POLQ: variants seen among roughly 807,000 people sequenced by gnomAD.
POLQ encodes epididymis secretory sperm binding protein.
POLQ carries 233 observed loss-of-function variants against 259.2 expected under a neutral mutation model. That is an observed-to-expected ratio of 0.90 (90% CI 0.81 to 1.00). The LOEUF is 1.00. POLQ is among the 50% of genes least tolerant of loss of function. The pLI is 0.00. For synonymous variants in POLQ, 1,025 were observed against 1,048.8 expected (o/e 0.98, Z 0.44); for missense variants, 2,871 against 3,051.6 (o/e 0.94, Z 1.39).
rs113422880 is a variant in POLQ, at chr3:121,542,985, C to CA, written c.344-1507dup. Reference sequence around the variant, plus strand: ...CTGGGCAACAAGAGCAAAACTCCATCAAAAAAAAAAGACCACTTTGGCTGC... The same window carrying CA: ...CTGGGCAACAAGAGCAAAACTCCATCAAAAAAAAAAAGACCACTTTGGCTGC... On this transcript the variant is annotated intron_variant, in intron 2 of 29. Coordinates refer to ENST00000264233, the MANE Select transcript of POLQ (RefSeq NM_199420.4). Among the ~76,000 whole-genome samples the CA allele has an allele frequency of 5.8e-3, 830 of 143,936 alleles. 8 individuals carry two copies. The highest frequency in any genetic ancestry group is 0.02 in the African/African-American group (767 of 39,286). 94.4% of individuals were successfully genotyped at this position (143,936 alleles called of 152,430 possible).
Position 121,489,245 on chromosome 3 carries a change from CTATT to C in POLQ, c.3682_3685del (p.Asn1228GlufsTer12), listed in dbSNP as rs2048042154. ...ACAATTGATAGTAACATTTGAGTCTCTATTTATGTAACTACTGACTGCTTCACAG... is the reference window on the plus strand; with the variant it reads ...ACAATTGATAGTAACATTTGAGTCTCTATGTAACTACTGACTGCTTCACAG... On this transcript the variant is annotated frameshift_variant, in exon 16 of 30. Coordinates refer to ENST00000264233, the MANE Select transcript of POLQ (RefSeq NM_199420.4). LOFTEE classifies it high-confidence loss of function. The C allele has an allele frequency of 2.5e-6, 4 of 1,612,470 alleles. No homozygotes were observed. Among genetic ancestry groups the C allele is most frequent in the Non-Finnish European group, 3.4e-6 (4 of 1,179,094 alleles).
chr3:121,523,192 T>C (rs1323147950), intron 7 of POLQ, among the ~76,000 whole-genome samples: 1 of 152,034 alleles, frequency 6.6e-6, no homozygotes, highest in Non-Finnish European at 1.5e-5. Context: ...GCATTTTTTT[T>C]TTTCACTTGT....
At chr3:121,516,547 G>A (rs1451120723) in intron 9 of POLQ, among the ~76,000 whole-genome samples, 1 of 152,170 alleles carries the variant, frequency 6.6e-6, no homozygotes, top group Non-Finnish European at 1.5e-5. Flanking sequence ...CCTGTCTAGG[G>A]AGGACTCATC....
intron 25 of POLQ, among the ~76,000 whole-genome samples, chr3:121,455,636 A>T (rs536359731): frequency 2.0e-5 from 3 of 152,210 alleles, no homozygotes; most frequent in Non-Finnish European, 4.4e-5. Context: ...AAATCTAGAA[A>T]AAATGGATAA....
Position 121,489,597 on chromosome 3 carries a change from T to C in POLQ, c.3334A>G (p.Thr1112Ala), listed in dbSNP as rs1560097834. The C allele has an allele frequency of 6.2e-7, 1 of 1,613,124 alleles. No individual in the cohort carries two copies. Among genetic ancestry groups the C allele is most frequent in the Non-Finnish European group, 8.5e-7 (1 of 1,179,526 alleles). The change falls in exon 16 of 30, where the codon ACA becomes GCA. Residue 1112 changes from threonine to alanine, a missense_variant. By Grantham distance (58) the Thr-to-Ala change is moderately conservative (BLOSUM62 0). This residue lies in a region of POLQ where 2,080 missense variants were observed against 2,126.0 expected (regional missense o/e 0.98). Coordinates refer to ENST00000264233, the MANE Select transcript of POLQ (RefSeq NM_199420.4). Reference protein sequence around the residue: ...SLSGKEKDNKTSFPLQIKQNC... With the variant: ...SLSGKEKDNKASFPLQIKQNC... ...TGCTTTATTTGTAATGGGAATGATG[T>C]TTTATTATCTTTTTCCTTACCACTC...
chr3:121,537,869 A>G (rs1053908975), intron 4 of POLQ, among the ~76,000 whole-genome samples: 1 of 152,204 alleles, frequency 6.6e-6, no homozygotes, highest in Non-Finnish European at 1.5e-5. Context: ...TATATAATAC[A>G]TTGCAAGTGA....
Position 121,522,071 on chromosome 3 carries a change from C to T in POLQ, c.1187G>A (p.Arg396His), listed in dbSNP as rs768741276. The change falls in exon 8 of 30, where the codon CGT becomes CAT. Residue 396 changes from arginine (R) to histidine (H), a missense_variant. This residue lies in a region of POLQ where 783 missense variants were observed against 906.2 expected (regional missense o/e 0.86). Transcript: ENST00000264233. Reference sequence around the variant, plus strand: ...TACAGAGTCCAGTCCTGAAGGCAAACGTCTTAACTGATCCATCACTTCCAG... The same window carrying T: ...TACAGAGTCCAGTCCTGAAGGCAAATGTCTTAACTGATCCATCACTTCCAG... ...ELLEVMDQLRRLPSGLDSVLQ... is the reference protein window; with the variant it reads ...ELLEVMDQLRHLPSGLDSVLQ... The T allele has an allele frequency of 3.7e-6, 6 of 1,610,038 alleles. No homozygotes were observed. Among genetic ancestry groups the T allele is most frequent in the African/African-American group, 2.7e-5 (2 of 74,622 alleles).
intron 7 of POLQ, among the ~76,000 whole-genome samples, chr3:121,525,975 T>A (rs527447965): frequency 1.3e-5 from 2 of 152,320 alleles, no homozygotes; most frequent in Non-Finnish European, 2.9e-5. Context: ...ATCTTTTTCA[T>A]GATTTTCGTT....
chr3:121,479,877 A>T (rs887136220), intron 19 of POLQ, among the ~76,000 whole-genome samples: 4 of 152,206 alleles, frequency 2.6e-5, no homozygotes, highest in African/African-American at 9.6e-5. Flanking sequence ...AAAACAGATA[A>T]TATAGATGTG....
chr3:121,455,169 G>A (rs1342092995), intron 25 of POLQ, among the ~76,000 whole-genome samples: 88 of 149,206 alleles, frequency 5.9e-4, no homozygotes, highest in Middle Eastern at 6.8e-3. Context: ...AAATAAAGAT[G>A]TTCTTTGAAA....
In POLQ at chr3:121,509,619, T is replaced by C; in HGVS notation, c.1901A>G (p.Asp634Gly). 6.2e-7 allele frequency: 1 copy of C among 1,613,592 alleles called. No individual in the cohort carries two copies. Among genetic ancestry groups the C allele is most frequent in the South Asian group, 1.1e-5 (1 of 91,064 alleles). The change falls in exon 12 of 30, where the codon GAC becomes GGC. Residue 634 changes from aspartate (D) to glycine (G), a missense_variant. Asp to Gly is a moderately conservative substitution (Grantham distance 94, BLOSUM62 -1). Coordinates refer to ENST00000264233, the MANE Select transcript of POLQ (RefSeq NM_199420.4). ...AAAGCCCTTCATTGCTCTTTGCAGG[T>C]CAGCAAAAATATCTAAAGTATCAGC... is the stretch of plus-strand genomic sequence containing the variant. ...SPADTLDIFADLQRAMKGFVL... is the reference protein window; with the variant it reads ...SPADTLDIFAGLQRAMKGFVL...
intron 28 of POLQ, among the ~76,000 whole-genome samples, chr3:121,434,756 A>T (rs1385191555): frequency 6.6e-6 from 1 of 152,140 alleles, no homozygotes; most frequent in Non-Finnish European, 1.5e-5. Context: ...AGAAATAGCA[A>T]ATCTCATCCT....
At chr3:121,514,297 C>A (rs528723758) in intron 9 of POLQ, among the ~76,000 whole-genome samples, 21 of 143,260 alleles carry the variant, frequency 1.5e-4, no homozygotes, top group Non-Finnish European at 2.2e-4. Flanking sequence ...CATCGCACTA[C>A]AGCCTGGGCA....
chr3:121,489,502 ACT>A lies in POLQ; in HGVS notation c.3427_3428del (p.Ser1143Ter). 1.2e-6 allele frequency: 2 copies of A among 1,613,818 alleles called. No homozygotes were observed. Among genetic ancestry groups the A allele is most frequent in the Non-Finnish European group, 1.7e-6 (2 of 1,179,918 alleles). On this transcript the variant is annotated frameshift_variant, in exon 16 of 30. Coordinates refer to ENST00000264233, the MANE Select transcript of POLQ (RefSeq NM_199420.4). LOFTEE classifies it high-confidence loss of function. ...TAGTGGCCTGACAAGTCACATTTTT[ACT>A]CTGAGATCCTGTGACAATATGCTCC... The part of the protein sequence containing the change: ...FVEHIVTGSQ[S>X]KNVTCQATSV...
chr3:121,529,898 G>A (rs1441746910), intron 6 of POLQ, 106 bp from the exon 7 acceptor site: 8 of 739,258 alleles, frequency 1.1e-5, no homozygotes, highest in South Asian at 4.5e-5. Flanking sequence ...TCTTCTTTAA[G>A]GCATAATGAA....
intron 26 of POLQ, among the ~76,000 whole-genome samples, chr3:121,444,860 T>C (rs1203882072): frequency 6.7e-6 from 1 of 148,164 alleles, no homozygotes. Context: ...TGAAATGATA[T>C]TGTTTTTATC....
At position 121,436,235 on chromosome 3, in the gene POLQ, G is replaced by T; in HGVS notation, c.7430C>A (p.Ala2477Glu). ...QAINTIVQGS[A>E]ADIVKIATVN... ...TGTGGCTATTTTGACAATATCAGCT[G>T]CTGATCCTTGGACTATTGTGTTGAT... is the stretch of plus-strand genomic sequence containing the variant. The change falls in exon 28 of 30, where the codon GCA becomes GAA. Residue 2477 changes from alanine to glutamate, a missense_variant. Ala to Glu is a moderately radical substitution (Grantham distance 107, BLOSUM62 -1). Transcript: ENST00000264233. 1 of 1,613,798 alleles carries T rather than the reference G, an allele frequency of 6.2e-7. No individual in the cohort carries two copies. The highest frequency in any genetic ancestry group is 8.5e-7 in the Non-Finnish European group (1 of 1,179,738).
At position 121,472,112 on chromosome 3, in the gene POLQ, T is replaced by C; in HGVS notation, c.6596A>G (p.Glu2199Gly). ...ALHPLPGLIL[E>G]WRRITNAITK... ...AATAGCATTAGTGATTCTTCTCCAT[T>C]CTAATATCAAGCCTGGTAAAGGATG... Residue 2199 changes from glutamate (E) to glycine (G), a missense_variant, in exon 22 of 30, where the codon GAA (glutamate) becomes GGA (glycine). Glu to Gly is a moderately conservative substitution (Grantham distance 98). Transcript: ENST00000264233. 6.4e-7 allele frequency: 1 copy of C among 1,571,336 alleles called. No individual in the cohort carries two copies. Among genetic ancestry groups the C allele is most frequent in the Non-Finnish European group, 8.7e-7 (1 of 1,147,068 alleles).
At chr3:121,505,826 T>C (rs2048204045) in intron 12 of POLQ, among the ~76,000 whole-genome samples, 1 of 139,686 alleles carries the variant, frequency 7.2e-6, no homozygotes, top group Non-Finnish European at 1.5e-5. Context: ...CTGACCAATA[T>C]GGAGAAACCC....
Sources: allele counts gnomAD v4.1 joint callset (sites outside exome capture counted in the v4.1 genomes callset), GRCh38; gene constraint gnomAD v4.1.1; regional missense constraint gnomAD v4.1.1; transcripts MANE v1.5; gene names NCBI Gene and HGNC (gene_info 2026-07-23, HGNC 2026-07-21).